Variants in RFX3 observed in about 807,000 individuals in gnomAD.
RFX3 encodes transcription factor RFX3.
RFX3 carries 14 observed loss-of-function variants against 98.6 expected under a neutral mutation model. That is an observed-to-expected ratio of 0.14 (90% CI 0.09 to 0.22). The LOEUF is 0.22. RFX3 is among the 10% of genes least tolerant of loss of function. RFX3 has a pLI of 1.00. For missense variants in RFX3, 639 were observed against 926.9 expected, an observed-to-expected ratio of 0.69 and a Z score of 4.03; for synonymous variants, 383 against 328.4, an observed-to-expected ratio of 1.17 and a Z score of -1.80.
rs560592103 is a variant in RFX3 at position 3,483,937 on chromosome 9, C to T, written c.-9+41810G>A. 2.6e-5 allele frequency among the ~76,000 whole-genome samples: 4 copies of T among 152,276 alleles called. No individual in the cohort carries two copies. In the East Asian group the frequency reaches 7.7e-4, roughly 29 times the overall value. ...CGAAACAAGTTCACCACCCCCTACT[C>T]TAAATCTATGGGCCAGATATATTAC... On this transcript the variant is annotated intron_variant, in intron 1 of 16. Transcript: ENST00000617270.
At chr9:3,372,825 A>G (rs774989205) in intron 2 of RFX3, among the ~76,000 whole-genome samples, 2 of 151,988 alleles carry the variant, frequency 1.3e-5, no homozygotes, top group Non-Finnish European at 2.9e-5. Context: ...ACCTCAAGTG[A>G]TCCGCCCAAC....
rs114176250 is a variant in RFX3 at position 3,231,093 on chromosome 9, T to C, written c.1969-2204A>G. Among the ~76,000 whole-genome samples, 350 of 152,300 alleles carry C rather than the reference T, an allele frequency of 2.3e-3. 1 individual carries two copies. Among genetic ancestry groups the C allele is most frequent in the African/African-American group, 8.0e-3 (331 of 41,552 alleles). ...TATCATTAACAAAAATCCAGTTACA[T>C]ACTAAATTCCGAGGCTTGTCATTAT... On this transcript the variant is annotated intron_variant, in intron 15 of 16. Coordinates refer to ENST00000617270, the MANE Select transcript of RFX3 (RefSeq NM_001282116.2).
At chr9:3,241,635 T>C (rs1819937746) in intron 15 of RFX3, among the ~76,000 whole-genome samples, 1 of 152,192 alleles carries the variant, frequency 6.6e-6, no homozygotes, top group South Asian at 2.1e-4. Context: ...CTATAATTTA[T>C]TTTCAAGTTG....
chr9:3,304,473 T>A (rs979144541), intron 4 of RFX3, among the ~76,000 whole-genome samples: 2 of 151,956 alleles, frequency 1.3e-5, no homozygotes, highest in African/African-American at 4.8e-5. Flanking sequence ...TATGAATAAA[T>A]GCATAATTAC....
chr9:3,378,294 T>A (rs1667517180), intron 2 of RFX3, among the ~76,000 whole-genome samples: 1 of 152,138 alleles, frequency 6.6e-6, no homozygotes. Flanking sequence ...CAATCTTCAA[T>A]CTGTAAGCTA....
At chr9:3,293,476 ATTTCTTCAAATATTCAAG>A (rs1438599812) in intron 5 of RFX3, among the ~76,000 whole-genome samples, 1 of 152,302 alleles carries the variant, frequency 6.6e-6, no homozygotes. Flanking sequence ...GACAATATCC[ATTTCTTCAAATATTCAAG>A]CACACGTAGA....
intron 13 of RFX3, among the ~76,000 whole-genome samples, chr9:3,262,583 G>C (rs1425694260): frequency 2.6e-5 from 4 of 152,164 alleles, no homozygotes; most frequent in African/African-American, 9.7e-5. Flanking sequence ...GTGAAGCCTA[G>C]AGCAGTTAAG....
intron 1 of RFX3, among the ~76,000 whole-genome samples, chr9:3,504,572 T>C (rs1351915383): frequency 2.2e-5 from 3 of 135,444 alleles, no homozygotes; most frequent in South Asian, 2.3e-4. Flanking sequence ...ATATATAGTA[T>C]ATGCCATATG....
At chr9:3,523,354 CT>C (rs1444971248) in intron 1 of RFX3, among the ~76,000 whole-genome samples, 1 of 152,092 alleles carries the variant, frequency 6.6e-6, no homozygotes, top group Non-Finnish European at 1.5e-5. Context: ...AGTATCTATC[CT>C]TGTGTTTAAT....
intron 4 of RFX3, among the ~76,000 whole-genome samples, chr9:3,317,072 G>C (rs1267498990): frequency 2.0e-5 from 3 of 152,092 alleles, no homozygotes; most frequent in Non-Finnish European, 2.9e-5. Context: ...ACAATCCTAA[G>C]CCAAAAGAAC....
chr9:3,303,826 C>T (rs1049966237), intron 4 of RFX3, among the ~76,000 whole-genome samples: 4 of 151,910 alleles, frequency 2.6e-5, no homozygotes, highest in African/African-American at 7.3e-5. Context: ...AATGGATTCC[C>T]CAGGAACAGA....
At chr9:3,315,747 C>A (rs928425798) in intron 4 of RFX3, among the ~76,000 whole-genome samples, 1 of 152,138 alleles carries the variant, frequency 6.6e-6, no homozygotes, top group Admixed American at 6.5e-5. Flanking sequence ...CTATAAACAC[C>A]ACTATGCAAA....
intron 2 of RFX3, among the ~76,000 whole-genome samples, chr9:3,380,213 C>T (rs1839032787): frequency 6.6e-6 from 1 of 152,138 alleles, no homozygotes; most frequent in Non-Finnish European, 1.5e-5. Context: ...AGGCATGAGC[C>T]ACTGCACCCA....
chr9:3,252,638 T>C (rs112115761), intron 14 of RFX3, among the ~76,000 whole-genome samples: 66 of 152,204 alleles, frequency 4.3e-4, no homozygotes, highest in African/African-American at 1.4e-3. Context: ...GAATACCTGA[T>C]AGGGTCTGGA....
chr9:3,287,990 A>T, intron 7 of RFX3, 141 bp downstream of exon 7: 1 of 823,252 alleles, frequency 1.2e-6, no homozygotes, highest in Admixed American at 2.5e-5. Flanking sequence ...ATTCTAAATC[A>T]TATTTAAGAA....
rs781382810 is a variant in RFX3, at chr9:3,301,590, A to T, written c.505T>A (p.Ser169Thr). The T allele has an allele frequency of 4.4e-6, 7 of 1,602,996 alleles. No individual in the cohort carries two copies. In the Middle Eastern group the frequency reaches 1.0e-3, roughly 229 times the overall value. The change falls in exon 5 of 17, where the codon TCT (serine) becomes ACT (threonine). Residue 169 changes from serine to threonine, a missense_variant. Ser to Thr is a moderately conservative substitution (Grantham distance 58). Around this residue, in one of 9 missense-constraint regions of RFX3, gnomAD observed 16 missense variants for 30.0 expected, o/e 0.53. Coordinates refer to ENST00000617270, the MANE Select transcript of RFX3 (RefSeq NM_001282116.2). ...CTTCTGTGAGTGGACAGACCGTCAG[A>T]CTTTTGCAGCGTCTCAATCGCCATT... ...IEMAIETLQK[S>T]DGLSTHRSSL...
chr9:3,270,332 G>A, intron 11 of RFX3, 39 bp downstream of exon 11: 1 of 1,570,372 alleles, frequency 6.4e-7, no homozygotes, highest in Non-Finnish European at 8.6e-7. Context: ...TGGAATGTAT[G>A]AGAACAAAAG....
intron 1 of RFX3, among the ~76,000 whole-genome samples, chr9:3,448,352 G>A (rs1439875309): frequency 6.6e-6 from 1 of 152,062 alleles, no homozygotes; most frequent in African/African-American, 2.4e-5. Flanking sequence ...AAAGGATCCT[G>A]TTCAAAGTGT....
chr9:3,246,724 A>G (rs943417815), intron 15 of RFX3, among the ~76,000 whole-genome samples: 1 of 152,200 alleles, frequency 6.6e-6, no homozygotes, highest in African/African-American at 2.4e-5. Flanking sequence ...AAATATAAGA[A>G]AAGTCCAGAT....
Sources: allele counts gnomAD v4.1 joint callset (sites outside exome capture counted in the v4.1 genomes callset), GRCh38; gene constraint gnomAD v4.1.1; regional missense constraint gnomAD v4.1.1; transcripts MANE v1.5; gene names NCBI Gene and HGNC (gene_info 2026-07-23, HGNC 2026-07-21).